Variants in AKAP6 observed in about 807,000 individuals in gnomAD.
AKAP6 encodes the protein A-kinase anchor protein 6.
Under a neutral mutation model 188.5 loss-of-function variants are expected in AKAP6, and 58 were observed. That is an observed-to-expected ratio of 0.31 (90% CI 0.25 to 0.38). The LOEUF is 0.38. AKAP6 is among the 10% of genes least tolerant of loss of function. The pLI, the probability that AKAP6 is intolerant of heterozygous loss-of-function variation, is 1.00. For missense variants in AKAP6, 2,710 were observed against 2,740.0 expected, an observed-to-expected ratio of 0.99 and a Z score of 0.24; for synonymous variants, 989 against 998.6, an observed-to-expected ratio of 0.99 and a Z score of 0.18.
Position 32,393,729 on chromosome 14 carries a change from C to A in AKAP6, c.-34-39731C>A, listed in dbSNP as rs531271093. Among the ~76,000 whole-genome samples the A allele has an allele frequency of 8.5e-5, 13 of 152,048 alleles. No individual in the cohort carries two copies. The East Asian group carries it at 2.3e-3, about 27-fold the overall frequency. On this transcript the variant is annotated intron_variant, in intron 1 of 13. Coordinates refer to ENST00000280979, the MANE Select transcript of AKAP6 (RefSeq NM_004274.5). ...ATTATAATGGGGAGAGATTTAAGGG[C>A]AAATACAGGTTCTAGTTATCTTCTT... is the stretch of plus-strand genomic sequence containing the variant.
At chr14:32,330,896 G>A (rs1886513631) in intron 1 of AKAP6, among the ~76,000 whole-genome samples, 1 of 151,904 alleles carries the variant, frequency 6.6e-6, no homozygotes, top group African/African-American at 2.4e-5. Flanking sequence ...GGATGGGAGA[G>A]GTCAGCTCAG....
chr14:32,622,526 A>T (rs1886855905), intron 7 of AKAP6, among the ~76,000 whole-genome samples: 1 of 152,168 alleles, frequency 6.6e-6, no homozygotes, highest in Non-Finnish European at 1.5e-5. Context: ...GAAGTTAAAG[A>T]ATCCCTTCTC....
chr14:32,493,894 G>C (rs1385088489), intron 2 of AKAP6, among the ~76,000 whole-genome samples: 1 of 152,156 alleles, frequency 6.6e-6, no homozygotes, highest in African/African-American at 2.4e-5. Context: ...AGAACATTAA[G>C]ATGTCAGGCA....
At position 32,823,178 on chromosome 14, in the gene AKAP6, T is replaced by A. The variant is rs1005157534; in HGVS notation, c.5365T>A (p.Cys1789Ser). 2 of 1,613,662 alleles carry A rather than the reference T, an allele frequency of 1.2e-6. No individual in the cohort carries two copies. Among genetic ancestry groups the A allele is most frequent in the African/African-American group, 2.7e-5 (2 of 74,880 alleles). The stretch of plus-strand genomic sequence containing the variant: ...AACAGATGATGAAATTTATGAAGAC[T>A]GCACCTTGATGTCAGGGCTAGACTA... ...IATDDEIYED[C>S]TLMSGLDYIK... Residue 1789 changes from cysteine to serine, a missense_variant, in exon 13 of 14, where the codon TGC (cysteine) becomes AGC (serine). Cys to Ser is a moderately radical substitution (Grantham distance 112, BLOSUM62 -1). Around this residue, in one of 2 missense-constraint regions of AKAP6, gnomAD observed 2,473 missense variants for 2,426.1 expected, o/e 1.02. Coordinates refer to ENST00000280979, the MANE Select transcript of AKAP6 (RefSeq NM_004274.5).
At chr14:32,535,175 G>T (rs1882616901) in intron 2 of AKAP6, among the ~76,000 whole-genome samples, 1 of 152,034 alleles carries the variant, frequency 6.6e-6, no homozygotes, top group African/African-American at 2.4e-5. Flanking sequence ...AATATTGTGT[G>T]CCCAGTGTAG....
intron 1 of AKAP6, among the ~76,000 whole-genome samples, chr14:32,349,030 C>G (rs914943017): frequency 6.6e-6 from 1 of 152,082 alleles, no homozygotes; most frequent in Non-Finnish European, 1.5e-5. Flanking sequence ...CCCTCTAGGA[C>G]CTTTGTTACT....
chr14:32,651,374 T>C (rs992354104), intron 7 of AKAP6, among the ~76,000 whole-genome samples: 2 of 152,204 alleles, frequency 1.3e-5, no homozygotes, highest in African/African-American at 4.8e-5. Flanking sequence ...TAATGGAGTA[T>C]CTAATTGTTG....
chr14:32,521,136 G>A (rs1047216378), intron 2 of AKAP6, among the ~76,000 whole-genome samples: 15 of 152,020 alleles, frequency 9.9e-5, no homozygotes, highest in African/African-American at 2.2e-4. Flanking sequence ...AAATTCAACA[G>A]CCCTTCATGC....
intron 1 of AKAP6, among the ~76,000 whole-genome samples, chr14:32,429,545 A>AC (rs764432996): frequency 6.6e-6 from 1 of 152,228 alleles, no homozygotes; most frequent in Non-Finnish European, 1.5e-5. Flanking sequence ...CTAAAAATTG[A>AC]AAAATGTTTG....
chr14:32,788,765 C>A (rs181830469), intron 12 of AKAP6, among the ~76,000 whole-genome samples: 24 of 152,250 alleles, frequency 1.6e-4, no homozygotes, highest in African/African-American at 5.5e-4. Context: ...AAACAGAGAC[C>A]CAGGAGTTTT....
intron 7 of AKAP6, among the ~76,000 whole-genome samples, chr14:32,623,999 G>C (rs947409261): frequency 6.6e-6 from 1 of 152,114 alleles, no homozygotes; most frequent in African/African-American, 2.4e-5. Flanking sequence ...GAGTGGCAAA[G>C]TGAATTAACA....
chr14:32,807,088 A>AT (rs2034109710), intron 12 of AKAP6, among the ~76,000 whole-genome samples: 2 of 145,134 alleles, frequency 1.4e-5, no homozygotes, highest in African/African-American at 5.1e-5. Flanking sequence ...ATATATATAT[A>AT]AAATCCCACA....
chr14:32,586,414 G>A (rs1885251244), intron 5 of AKAP6, among the ~76,000 whole-genome samples: 1 of 152,164 alleles, frequency 6.6e-6, no homozygotes, highest in African/African-American at 2.4e-5. Context: ...GATCACTTGA[G>A]TCCAGGAGTT....
chr14:32,656,619 G>C (rs1180087054), intron 7 of AKAP6, among the ~76,000 whole-genome samples: 1 of 152,168 alleles, frequency 6.6e-6, no homozygotes, highest in Non-Finnish European at 1.5e-5. Context: ...GAATGAAGGG[G>C]AATACATACG....
At chr14:32,520,411 G>A (rs566205576) in intron 2 of AKAP6, among the ~76,000 whole-genome samples, 4 of 152,258 alleles carry the variant, frequency 2.6e-5, no homozygotes, top group African/African-American at 9.6e-5. Context: ...TCCAGGAGCT[G>A]GTTTTTTGAA....
intron 1 of AKAP6, among the ~76,000 whole-genome samples, chr14:32,429,159 G>A (rs1890135420): frequency 6.6e-6 from 1 of 152,176 alleles, no homozygotes; most frequent in South Asian, 2.1e-4. Context: ...GTGTGCACTT[G>A]ATCAAATTTT....
In AKAP6 at chr14:32,535,670, G is replaced by A. The variant is rs771578963; in HGVS notation, c.441G>A (p.Val147=). The A allele has an allele frequency of 5.6e-6, 9 of 1,614,098 alleles. No individual in the cohort carries two copies. The African/African-American group carries it at 1.1e-4, about 19-fold the overall frequency. The part of the protein sequence containing the change: ...SVNVIVDIHA[V]QLLWHQLRVS... ...ACGTGATAGTGGACATCCACGCAGTGCAGCTCCTCTGGCACCAGCTTCGAG... is the reference window on the plus strand; with the variant it reads ...ACGTGATAGTGGACATCCACGCAGTACAGCTCCTCTGGCACCAGCTTCGAG... The change falls in exon 3 of 14, where the codon GTG becomes GTA. Residue 147 remains valine, a synonymous_variant. Transcript: ENST00000280979.
At chr14:32,750,737 G>GGT (rs374015190) in intron 11 of AKAP6, among the ~76,000 whole-genome samples, 13 of 138,390 alleles carry the variant, frequency 9.4e-5, no homozygotes, top group East Asian at 6.6e-4. Flanking sequence ...AATTAATTTT[G>GGT]TTTTTTTTTT....
At chr14:32,533,770 G>A (rs1882542844) in intron 2 of AKAP6, among the ~76,000 whole-genome samples, 1 of 152,214 alleles carries the variant, frequency 6.6e-6, no homozygotes, top group Admixed American at 6.5e-5. Context: ...GATGATAGCA[G>A]TGAGAGCCCT....
Sources: allele counts gnomAD v4.1 joint callset (sites outside exome capture counted in the v4.1 genomes callset), GRCh38; gene constraint gnomAD v4.1.1; regional missense constraint gnomAD v4.1.1; transcripts MANE v1.5; gene names NCBI Gene and HGNC (gene_info 2026-07-23, HGNC 2026-07-21).